The following LRRK2 variants were observed in gnomAD, a reference collection of about 807,000 sequenced individuals.
LRRK2 encodes leucine-rich repeat serine/threonine-protein kinase 2.
A neutral mutation model predicts 302.6 loss-of-function variants in LRRK2; 203 were observed. The ratio of observed to expected loss-of-function variants is 0.67; its 90% CI spans 0.60 to 0.75. The LOEUF is 0.75. LRRK2 is among the 30% of genes least tolerant of loss of function. LRRK2 has a pLI of 0.00. For synonymous variants in LRRK2, 1,066 were observed against 1,031.9 expected, an observed-to-expected ratio of 1.03 and a Z score of -0.63; for missense variants, 2,830 against 2,951.0, an observed-to-expected ratio of 0.96 and a Z score of 0.95.
intron 38 of LRRK2, among the ~76,000 whole-genome samples, chr12:40,324,865 A>C (rs933673012): frequency 1.3e-5 from 2 of 152,232 alleles, no homozygotes; most frequent in Admixed American, 1.3e-4. Context: ...GACATGGTGC[A>C]TCCTTCCTCT....
At chr12:40,327,462 G>A (rs546696542) in intron 38 of LRRK2, among the ~76,000 whole-genome samples, 1 of 152,230 alleles carries the variant, frequency 6.6e-6, no homozygotes, top group African/African-American at 2.4e-5. Context: ...CTCCTCAGAT[G>A]TACTATTCAG....
At chr12:40,229,386 A>G (rs1181588066) in intron 2 of LRRK2, among the ~76,000 whole-genome samples, 1 of 152,240 alleles carries the variant, frequency 6.6e-6, no homozygotes. Context: ...GATATTCCAG[A>G]CTGCCAGTTT....
chr12:40,270,627 G>A (rs1254073126), intron 14 of LRRK2, among the ~76,000 whole-genome samples: 4 of 151,750 alleles, frequency 2.6e-5, no homozygotes, highest in African/African-American at 9.7e-5. Flanking sequence ...AGCTTCATTT[G>A]TTTCTTGGAT....
chr12:40,245,721 T>C (rs1941950341), intron 7 of LRRK2, among the ~76,000 whole-genome samples: 1 of 152,140 alleles, frequency 6.6e-6, no homozygotes, highest in Admixed American at 6.6e-5. Context: ...TTTTTTATTA[T>C]TATTGTAAAT....
intron 11 of LRRK2, among the ~76,000 whole-genome samples, chr12:40,254,043 A>G (rs567125336): frequency 3.4e-3 from 521 of 152,342 alleles, no homozygotes; most frequent in Non-Finnish European, 6.3e-3. Context: ...CCCTTTAGAA[A>G]GACATGAGTT....
At chr12:40,303,631 C>T (rs912349678) in intron 26 of LRRK2, among the ~76,000 whole-genome samples, 1 of 151,956 alleles carries the variant, frequency 6.6e-6, no homozygotes, top group East Asian at 1.9e-4. Flanking sequence ...AGCTAAATTA[C>T]GTCTAGCTTT....
At chr12:40,316,920 A>G (rs1945243132) in intron 33 of LRRK2, among the ~76,000 whole-genome samples, 1 of 152,072 alleles carries the variant, frequency 6.6e-6, no homozygotes, top group South Asian at 2.1e-4. Flanking sequence ...AACTCCACAT[A>G]GTCAAGGAAA....
intron 5 of LRRK2, 132 bp downstream of exon 5, chr12:40,238,235 G>C (rs778993829): frequency 2.2e-6 from 2 of 909,784 alleles, no homozygotes; most frequent in Non-Finnish European, 3.3e-6. Context: ...GGAGTTGTCT[G>C]TCAAGGGTGA....
At chr12:40,332,935 G>T (rs963377995) in intron 39 of LRRK2, among the ~76,000 whole-genome samples, 3 of 146,888 alleles carry the variant, frequency 2.0e-5, no homozygotes, top group African/African-American at 5.0e-5. Flanking sequence ...AAAAAAAAGG[G>T]GTGTGCATAA....
intron 33 of LRRK2, among the ~76,000 whole-genome samples, chr12:40,315,726 G>A (rs931538769): frequency 1.3e-5 from 2 of 152,024 alleles, no homozygotes; most frequent in Non-Finnish European, 2.9e-5. Context: ...AATGATCTGA[G>A]CTTTAAATGC....
intron 7 of LRRK2, among the ~76,000 whole-genome samples, chr12:40,248,800 A>C (rs1942126215): frequency 6.6e-6 from 1 of 152,188 alleles, no homozygotes; most frequent in Non-Finnish European, 1.5e-5. Context: ...TGTGGGTATA[A>C]TAGGGAAAAG....
At chr12:40,251,976 G>A (rs1942295586) in intron 10 of LRRK2, among the ~76,000 whole-genome samples, 1 of 152,186 alleles carries the variant, frequency 6.6e-6, no homozygotes, top group African/African-American at 2.4e-5. Flanking sequence ...CCCAACTGAT[G>A]TGACAGAGTT....
chr12:40,336,033 C>T (rs527499991), intron 40 of LRRK2, among the ~76,000 whole-genome samples: 1 of 152,284 alleles, frequency 6.6e-6, no homozygotes, highest in East Asian at 1.9e-4. Context: ...CTGCTTCTAC[C>T]TCTGTCTCAT....
rs1184352448 is a variant in LRRK2 at position 40,357,276 on chromosome 12, T to G, written c.6843+1089T>G. 2.0e-5 allele frequency among the ~76,000 whole-genome samples: 3 copies of G among 152,266 alleles called. 1 individual carries two copies. The highest frequency in any genetic ancestry group is 7.2e-5 in the African/African-American group (3 of 41,466). On this transcript the variant is annotated intron_variant, in intron 46 of 50. Coordinates refer to ENST00000298910, the MANE Select transcript of LRRK2 (RefSeq NM_198578.4). ...GCTGTATATGACATGATTTCATTCC[T>G]TTTTATGGTCAAATAGTATTCCGTT...
At position 40,310,583 on chromosome 12, in the gene LRRK2, C is replaced by T. The variant is rs969164078; in HGVS notation, c.4470C>T (p.Ala1490=). ...PAIRDYHFVN[A]TEESDALAKL... ...TACGAGATTACCACTTTGTGAATGCCACCGAGGAATCTGATGCTTTGGCAA... is the reference window on the plus strand; with the variant it reads ...TACGAGATTACCACTTTGTGAATGCTACCGAGGAATCTGATGCTTTGGCAA... Residue 1490 remains alanine, a synonymous_variant, in exon 31 of 51, where the codon GCC becomes GCT. Coordinates refer to ENST00000298910, the MANE Select transcript of LRRK2 (RefSeq NM_198578.4). 3.1e-6 allele frequency: 5 copies of T among 1,612,052 alleles called. No homozygotes were observed. The African/African-American group carries it at 6.7e-5, about 22-fold the overall frequency.
intron 2 of LRRK2, among the ~76,000 whole-genome samples, chr12:40,230,668 C>CTTTTTT (rs3057613): frequency 2.2e-5 from 3 of 135,330 alleles, no homozygotes; most frequent in Non-Finnish European, 3.2e-5. Context: ...TGCACTTTCT[C>CTTTTTT]TTTTTTTTTT....
chr12:40,353,922 G>C (rs1018081453), intron 44 of LRRK2, among the ~76,000 whole-genome samples: 1 of 152,208 alleles, frequency 6.6e-6, no homozygotes, highest in Non-Finnish European at 1.5e-5. Flanking sequence ...GCAGTGAGCC[G>C]AGATGGCAGC....
At position 40,232,192 on chromosome 12, in the gene LRRK2, G is replaced by A. The variant is rs2136395468; in HGVS notation, c.238-82G>A. On this transcript the variant is annotated intron_variant, in intron 2 of 50. Coordinates refer to ENST00000298910, the MANE Select transcript of LRRK2 (RefSeq NM_198578.4). ...GTGAGATAAGCATCTATTCCACTAA[G>A]ATTGAAGAGATTCATGTTTGACTGA... 3 of 965,084 alleles carry A rather than the reference G, an allele frequency of 3.1e-6. No individual in the cohort carries two copies. The East Asian group carries it at 7.2e-5, about 23-fold the overall frequency. The allele number at this position is 965,084 out of a possible 1,614,324, so 59.8% of individuals were successfully genotyped here. A position where few individuals can be genotyped will look rare whatever the true frequency, so the allele number is the denominator to read the frequency against.
intron 47 of LRRK2, among the ~76,000 whole-genome samples, chr12:40,362,068 T>A (rs1430007324): frequency 6.6e-6 from 1 of 152,104 alleles, no homozygotes; most frequent in South Asian, 2.1e-4. Flanking sequence ...AGATTTATCA[T>A]ATTTTATGTT....
Sources: gnomAD v4.1 joint callset for allele counts (sites outside exome capture counted in the v4.1 genomes callset) on GRCh38, gnomAD v4.1.1 for gene constraint, MANE v1.5 for transcripts, NCBI Gene and HGNC (gene_info 2026-07-23, HGNC 2026-07-21) for gene names.